The following ZNF395 variants were observed in gnomAD, a reference collection of about 807,000 sequenced individuals.
ZNF395 encodes the protein HD gene regulatory region-binding protein 2.
ZNF395 carries 20 observed loss-of-function variants against 57.7 expected under a neutral mutation model. The ratio of observed to expected loss-of-function variants is 0.35; its 90% CI spans 0.24 to 0.50. The LOEUF is 0.50. Among genes scored for constraint, ZNF395 ranks in the 20% least tolerant of loss-of-function variants. The probability of loss-of-function intolerance (pLI) is 0.97; values close to 1 mark genes in which losing one functional copy is unlikely to be tolerated. For synonymous variants in ZNF395, 295 were observed against 275.9 expected, an observed-to-expected ratio of 1.07 and a Z score of -0.69; for missense variants, 606 against 671.2, an observed-to-expected ratio of 0.90 and a Z score of 1.07.
chr8:28,381,184 G>GGC (rs1440851206), intron 1 of ZNF395, among the ~76,000 whole-genome samples: 3 of 152,176 alleles, frequency 2.0e-5, no homozygotes, highest in African/African-American at 7.2e-5. Flanking sequence ...TTGGACTACA[G>GGC]GCGCCCACCA....
intron 1 of ZNF395, chr8:28,385,143 C>T (rs1026396054): frequency 1.3e-5 from 2 of 152,394 alleles, no homozygotes. Context: ...CAGCGCCGGC[C>T]TGCAGGAATC....
In ZNF395 at chr8:28,359,427, C is replaced by T. The variant is rs2129957060; in HGVS notation, c.473+165G>A. Among the ~76,000 whole-genome samples, 1 of 152,338 alleles carries T rather than the reference C, an allele frequency of 6.6e-6. No homozygotes were observed. The highest frequency in any genetic ancestry group is 1.9e-4 in the East Asian group (1 of 5,182). ...AAAAAAAGAAAGAAAAGATGCCACT[C>T]TGGTTTTCTTAAAAGATTCCCCTTT... On this transcript the variant is annotated intron_variant, in intron 3 of 9. Coordinates refer to ENST00000344423, the MANE Select transcript of ZNF395 (RefSeq NM_018660.3). The surrounding 1 kb of genome is among the most constrained non-coding windows in gnomAD (Gnocchi z 4.7).
chr8:28,379,979 T>C (rs188269555), intron 1 of ZNF395, among the ~76,000 whole-genome samples: 1 of 152,354 alleles, frequency 6.6e-6, no homozygotes, highest in Admixed American at 6.5e-5. Flanking sequence ...AGTCACACTG[T>C]AGATGTCCCT....
chr8:28,370,760 A>G (rs1423072955), intron 1 of ZNF395, among the ~76,000 whole-genome samples: 1 of 152,188 alleles, frequency 6.6e-6, no homozygotes, highest in Admixed American at 6.5e-5. Context: ...GCTGACACAC[A>G]CACCCCCGCC....
At chr8:28,376,824 T>C (rs1474863325) in intron 1 of ZNF395, among the ~76,000 whole-genome samples, 1 of 152,222 alleles carries the variant, frequency 6.6e-6, no homozygotes, top group Non-Finnish European at 1.5e-5. Context: ...AACTAGGTCC[T>C]GCCTATGCTT....
In ZNF395 at chr8:28,356,650, G is replaced by A. The variant is rs1411221387; in HGVS notation, c.583+20C>T. 4 of 1,600,054 alleles carry A rather than the reference G, an allele frequency of 2.5e-6. No individual in the cohort carries two copies. The East Asian group carries it at 6.7e-5, about 27-fold the overall frequency. ...GGGCCTCTACCATGCCCAGAACCCA[G>A]CTGGGCCCCGCTTGCTCACCAGAGA... On this transcript the variant is annotated intron_variant, in intron 4 of 9. Coordinates refer to ENST00000344423, the MANE Select transcript of ZNF395 (RefSeq NM_018660.3). The surrounding 1 kb of genome is among the most constrained non-coding windows in gnomAD (Gnocchi z 4.0).
At chr8:28,383,267 A>G (rs1802131870) in intron 1 of ZNF395, among the ~76,000 whole-genome samples, 3 of 152,170 alleles carry the variant, frequency 2.0e-5, no homozygotes, top group Admixed American at 2.0e-4. Flanking sequence ...AGGCTTGGGG[A>G]ATTTGTTCAG....
chr8:28,350,679 C>T (rs957388085), intron 7 of ZNF395, among the ~76,000 whole-genome samples: 7 of 152,206 alleles, frequency 4.6e-5, no homozygotes, highest in African/African-American at 9.7e-5. Flanking sequence ...AATCGCTAAG[C>T]GGCCACTCAT....
At chr8:28,377,111 A>G (rs1802051123) in intron 1 of ZNF395, among the ~76,000 whole-genome samples, 1 of 152,272 alleles carries the variant, frequency 6.6e-6, no homozygotes, top group Non-Finnish European at 1.5e-5. Context: ...CAAAAATATC[A>G]GGAAGAGGAA....
At chr8:28,353,442 A>G in intron 4 of ZNF395, 34 bp from the exon 5 acceptor site, 1 of 1,456,694 alleles carries the variant, frequency 6.9e-7, no homozygotes. Flanking sequence ...GAGGACGCTC[A>G]CGGGCGTGTC....
Position 28,350,079 on chromosome 8 carries a change from G to C in ZNF395, c.1311C>G (p.Ala437=). The change falls in exon 8 of 10, where the codon GCC becomes GCG. Residue 437 remains alanine, a synonymous_variant. Transcript: ENST00000344423. ...GCACACTCACCGGAGAGAGAGAGCA[G>C]GCGGCGGAGGGGGCAGCAGCCCAGC... ...SVSWAAAPSA[A]CSLSPVRSRS... 4 of 1,603,668 alleles carry C rather than the reference G, an allele frequency of 2.5e-6. No individual in the cohort carries two copies. Among genetic ancestry groups the C allele is most frequent in the Non-Finnish European group, 8.5e-7 (1 of 1,177,128 alleles).
At chr8:28,366,489 T>G (rs1009070586) in intron 1 of ZNF395, among the ~76,000 whole-genome samples, 5 of 150,998 alleles carry the variant, frequency 3.3e-5, no homozygotes, top group African/African-American at 7.2e-5. Flanking sequence ...GAGGATCGTC[T>G]GAGCTCTAAA....
intron 1 of ZNF395, among the ~76,000 whole-genome samples, chr8:28,384,124 G>A (rs988179541): frequency 6.7e-6 from 1 of 148,210 alleles, no homozygotes; most frequent in African/African-American, 2.4e-5. Context: ...CCTGCTCACT[G>A]ATGTGTCCCC....
intron 1 of ZNF395, among the ~76,000 whole-genome samples, chr8:28,372,922 G>A (rs930326034): frequency 2.0e-5 from 3 of 152,180 alleles, no homozygotes; most frequent in Non-Finnish European, 4.4e-5. Flanking sequence ...GGCCCCAAGA[G>A]AATCCGCCAA....
At position 28,360,794 on chromosome 8, in the gene ZNF395, CAG is replaced by C. The variant is rs1801838406; in HGVS notation, c.240+89_240+90del. On this transcript the variant is annotated intron_variant, in intron 2 of 9. Transcript: ENST00000344423. ...AAAGGTCTGCACTCAAAACGGTGCC[CAG>C]AGAGTTTCCGGCCTGTCACTAGGGC... The C allele has an allele frequency of 2.6e-6, 4 of 1,535,514 alleles. No homozygotes were observed. The Admixed American group carries it at 7.8e-5, about 30-fold the overall frequency.
Position 28,350,781 on chromosome 8 carries a change from TGATAA to T in ZNF395, c.1234-630_1234-626del, listed in dbSNP as rs200464232. 9.8e-5 allele frequency among the ~76,000 whole-genome samples: 15 copies of T among 152,336 alleles called. No individual in the cohort carries two copies. In the East Asian group the frequency reaches 2.9e-3, roughly 29 times the overall value. On this transcript the variant is annotated intron_variant, in intron 7 of 9. Coordinates refer to ENST00000344423, the MANE Select transcript of ZNF395 (RefSeq NM_018660.3). ...CTAATTTGCAAATTGGCCCACAGAC[TGATAA>T]AATAGGCACAAAAGAATTTTAAGAA... is the stretch of plus-strand genomic sequence containing the variant.
intron 1 of ZNF395, among the ~76,000 whole-genome samples, chr8:28,372,836 A>C (rs1801993690): frequency 6.6e-6 from 1 of 152,192 alleles, no homozygotes; most frequent in Admixed American, 6.5e-5. Context: ...AGGACCATTA[A>C]CCTAAATGTG....
rs1227017624 is a variant in ZNF395, at chr8:28,356,766, C to T, written c.487G>A (p.Val163Met). ...GCCGCCATCATCTCATCCATTTCCACTGCGTCCGACTTCCTGGATTCACAC... is the reference window on the plus strand; with the variant it reads ...GCCGCCATCATCTCATCCATTTCCATTGCGTCCGACTTCCTGGATTCACAC... The part of the protein sequence containing the change: ...IDVPKRKSDA[V>M]EMDEMMAAMV... The change falls in exon 4 of 10, where the codon GTG (valine) becomes ATG (methionine). Residue 163 changes from valine to methionine, a missense_variant. Val to Met is a conservative substitution (Grantham distance 21). Coordinates refer to ENST00000344423, the MANE Select transcript of ZNF395 (RefSeq NM_018660.3). The surrounding 1 kb of genome is among the most constrained non-coding windows in gnomAD (Gnocchi z 4.0). 1 of 1,614,108 alleles carries T rather than the reference C, an allele frequency of 6.2e-7. No individual in the cohort carries two copies. Among genetic ancestry groups the T allele is most frequent in the South Asian group, 1.1e-5 (1 of 91,072 alleles).
intron 1 of ZNF395, among the ~76,000 whole-genome samples, chr8:28,375,961 G>A (rs953222819): frequency 1.3e-5 from 2 of 152,092 alleles, no homozygotes; most frequent in Admixed American, 6.6e-5. Context: ...AGGACAAAAA[G>A]GCTGACAACT....
Sources: allele counts gnomAD v4.1 joint callset (sites outside exome capture counted in the v4.1 genomes callset), GRCh38; gene constraint gnomAD v4.1.1; non-coding constraint Gnocchi (gnomAD v3.1); transcripts MANE v1.5; gene names NCBI Gene and HGNC (gene_info 2026-07-23, HGNC 2026-07-21).